ADCY1: variants seen among roughly 807,000 people sequenced by gnomAD.
The protein encoded by ADCY1 is adenylate cyclase type 1.
ADCY1 carries 28 observed loss-of-function variants against 105.4 expected under a neutral mutation model. That is an observed-to-expected ratio of 0.27 (90% CI 0.20 to 0.36). The LOEUF is 0.36. Among genes scored for constraint, ADCY1 ranks in the 10% least tolerant of loss-of-function variants. The probability of loss-of-function intolerance (pLI) is 1.00; values close to 1 mark genes in which losing one functional copy is unlikely to be tolerated. For missense variants in ADCY1, 977 were observed against 1,434.2 expected (o/e 0.68, Z 5.15); for synonymous variants, 655 against 623.8 (o/e 1.05, Z -0.75).
chr7:45,615,346 C>T (rs529164641), intron 3 of ADCY1, among the ~76,000 whole-genome samples: 1 of 152,120 alleles, frequency 6.6e-6, no homozygotes, highest in South Asian at 2.1e-4. Flanking sequence ...ACCTGTAAGC[C>T]CAGCACTTTG....
intron 1 of ADCY1, among the ~76,000 whole-genome samples, chr7:45,589,400 A>C (rs1463335296): frequency 6.6e-6 from 1 of 152,130 alleles, no homozygotes; most frequent in Admixed American, 6.5e-5. Context: ...CCTGTCCCCC[A>C]GGCCCCTGCA....
intron 5 of ADCY1, among the ~76,000 whole-genome samples, chr7:45,656,052 C>T (rs924642499): frequency 6.6e-6 from 1 of 151,952 alleles, no homozygotes. Flanking sequence ...CTTTGGGAGG[C>T]CAAGGCAGGC....
intron 2 of ADCY1, among the ~76,000 whole-genome samples, chr7:45,605,534 C>G (rs1793350396): frequency 6.6e-6 from 1 of 150,988 alleles, no homozygotes; most frequent in Non-Finnish European, 1.5e-5. Flanking sequence ...TGAATTTTGT[C>G]AAATTCTTTT....
chr7:45,580,784 G>A (rs540191334), intron 1 of ADCY1, among the ~76,000 whole-genome samples: 81 of 152,348 alleles, frequency 5.3e-4, no homozygotes, highest in Middle Eastern at 3.4e-3. Context: ...GTGGCCACCA[G>A]GAGGTGGGAG....
intron 2 of ADCY1, among the ~76,000 whole-genome samples, chr7:45,598,068 G>C (rs1046818377): frequency 1.8e-4 from 28 of 152,208 alleles, no homozygotes; most frequent in Middle Eastern, 6.3e-3. Flanking sequence ...GTACTAAGAT[G>C]TTCTTTCTGA....
chr7:45,676,832 C>T (rs1259902297), intron 8 of ADCY1, among the ~76,000 whole-genome samples: 1 of 148,018 alleles, frequency 6.8e-6, no homozygotes, highest in African/African-American at 2.6e-5. Flanking sequence ...GAGCTGGGGC[C>T]ACAGATTTTT....
chr7:45,678,146 T>C lies in ADCY1; in HGVS notation c.1801-20T>C. On this transcript the variant is annotated intron_variant, in intron 9 of 19. Transcript: ENST00000297323. ...GGAGGAAGCCCTCAGCCCTGATGGATTGACTTCTCTCTTACACAGTACCAC... is the reference window on the plus strand; with the variant it reads ...GGAGGAAGCCCTCAGCCCTGATGGACTGACTTCTCTCTTACACAGTACCAC... The C allele has an allele frequency of 6.2e-7, 1 of 1,614,066 alleles. No individual in the cohort carries two copies. The highest frequency in any genetic ancestry group is 8.5e-7 in the Non-Finnish European group (1 of 1,179,940).
At chr7:45,693,270 A>G (rs1293306928) in intron 14 of ADCY1, among the ~76,000 whole-genome samples, 4 of 150,150 alleles carry the variant, frequency 2.7e-5, no homozygotes, top group African/African-American at 7.4e-5. Flanking sequence ...ATCAATGTTC[A>G]TCAAGGATAT....
chr7:45,579,203 C>T (rs149333919), intron 1 of ADCY1, among the ~76,000 whole-genome samples: 1 of 152,262 alleles, frequency 6.6e-6, no homozygotes, highest in African/African-American at 2.4e-5. Flanking sequence ...CCTAGGTGTG[C>T]GCTGGTGACA....
At chr7:45,646,418 G>A (rs1023231951) in intron 4 of ADCY1, among the ~76,000 whole-genome samples, 1 of 152,160 alleles carries the variant, frequency 6.6e-6, no homozygotes, top group Non-Finnish European at 1.5e-5. Context: ...TGGCCTCTTG[G>A]CTGTACCTTC....
At chr7:45,664,278 C>A in intron 8 of ADCY1, 1 of 1,535,936 alleles carries the variant, frequency 6.5e-7, no homozygotes, top group Non-Finnish European at 8.7e-7. Context: ...CATCTGATGC[C>A]TCTCCTGTAG....
intron 1 of ADCY1, among the ~76,000 whole-genome samples, chr7:45,585,276 A>G (rs1792684155): frequency 6.6e-6 from 1 of 152,336 alleles, no homozygotes; most frequent in South Asian, 2.1e-4. Flanking sequence ...GAGGGAACAC[A>G]GTTTAGGAAA....
At chr7:45,665,546 A>G (rs1480319190) in intron 8 of ADCY1, among the ~76,000 whole-genome samples, 1 of 152,198 alleles carries the variant, frequency 6.6e-6, no homozygotes, top group African/African-American at 2.4e-5. Context: ...TTCTCTTCAC[A>G]CTTAAATATT....
Position 45,591,124 on chromosome 7 carries a change from T to C in ADCY1, c.640-1635T>C, listed in dbSNP as rs527357885. Among the ~76,000 whole-genome samples, 22 of 152,324 alleles carry C rather than the reference T, an allele frequency of 1.4e-4. No homozygotes were observed. The South Asian group carries it at 3.9e-3, about 27-fold the overall frequency. ...CTAGGTTTGTTTTCCAGCCTCCTGA[T>C]GGATGTGCCTTTGAGGCTATGTCAT... On this transcript the variant is annotated intron_variant, in intron 1 of 19. Transcript: ENST00000297323. The surrounding 1 kb of genome is among the most constrained non-coding windows in gnomAD (Gnocchi z 4.1).
At chr7:45,580,682 C>G (rs1020642327) in intron 1 of ADCY1, among the ~76,000 whole-genome samples, 3 of 152,194 alleles carry the variant, frequency 2.0e-5, no homozygotes, top group Non-Finnish European at 4.4e-5. Context: ...GGGCTGCAAG[C>G]GAGCGAGAGT....
At chr7:45,574,297 C>A (rs2115670511), upstream of ADCY1, 2 of 258,610 alleles carry the variant, frequency 7.7e-6, no homozygotes, top group South Asian at 2.9e-4. This position sits in a 1 kb window ranked among gnomAD's most constrained non-coding sequence, Gnocchi z 7.0. Context: ...GCTGTCGCAG[C>A]GCGGTCGCCG....
chr7:45,640,588 C>T (rs1204990392), intron 4 of ADCY1, among the ~76,000 whole-genome samples: 2 of 152,068 alleles, frequency 1.3e-5, no homozygotes, highest in African/African-American at 4.8e-5. Context: ...TCCTTCAGGC[C>T]CTTAAGGAAG....
Position 45,594,526 on chromosome 7 carries a change from C to T in ADCY1, c.789+1618C>T, listed in dbSNP as rs536217579. 7.2e-5 allele frequency among the ~76,000 whole-genome samples: 11 copies of T among 152,256 alleles called. No homozygotes were observed. The South Asian group carries it at 1.9e-3, about 26-fold the overall frequency. Reference sequence around the variant, plus strand: ...CCTTTTCTTTTCCTCTTTTGTCTCCCTCCCATTTCCTTTTCCATACCTTCC... The same window carrying T: ...CCTTTTCTTTTCCTCTTTTGTCTCCTTCCCATTTCCTTTTCCATACCTTCC... On this transcript the variant is annotated intron_variant, in intron 2 of 19. Coordinates refer to ENST00000297323, the MANE Select transcript of ADCY1 (RefSeq NM_021116.4).
intron 4 of ADCY1, among the ~76,000 whole-genome samples, chr7:45,645,820 C>T (rs1483425984): frequency 6.6e-6 from 1 of 152,114 alleles, no homozygotes; most frequent in Non-Finnish European, 1.5e-5. Flanking sequence ...GGATTGGTGA[C>T]CCTCCCAAAA....
Sources: allele counts gnomAD v4.1 joint callset (sites outside exome capture counted in the v4.1 genomes callset), GRCh38; gene constraint gnomAD v4.1.1; non-coding constraint Gnocchi (gnomAD v3.1); transcripts MANE v1.5; gene names NCBI Gene and HGNC (gene_info 2026-07-23, HGNC 2026-07-21).